Variants in ABHD13 observed in about 807,000 individuals in gnomAD.
The protein encoded by ABHD13 is abhydrolase domain containing 13, also known as protein ABHD13.
A neutral mutation model predicts 25.2 loss-of-function variants in ABHD13; 7 were observed. The ratio of observed to expected loss-of-function variants is 0.28; its 90% CI spans 0.16 to 0.52. ABHD13 has a LOEUF of 0.52. Among genes scored for constraint, ABHD13 ranks in the 20% least tolerant of loss-of-function variants. The pLI is 0.96. For synonymous variants in ABHD13, 133 were observed against 136.1 expected (o/e 0.98, Z 0.16); for missense variants, 302 against 402.7 (o/e 0.75, Z 2.14).
chr13:108,218,909 G>A (rs551197564), intron 1 of ABHD13, among the ~76,000 whole-genome samples: 8 of 152,228 alleles, frequency 5.3e-5, no homozygotes, highest in African/African-American at 1.7e-4. Flanking sequence ...CTCACCAGGG[G>A]AAGCAAACTG....
chr13:108,229,381 G>T lies in ABHD13; in HGVS notation c.163G>T (p.Gly55Cys). The T allele has an allele frequency of 6.2e-7, 1 of 1,612,642 alleles. No homozygotes were observed. The highest frequency in any genetic ancestry group is 8.5e-7 in the Non-Finnish European group (1 of 1,179,148). ...TTTGTTAATATTCATATCAATAGCA[G>T]GTATTCTGTATAAATTCCAGGATGT... ...LLLLIFISIAGILYKFQDVLL... is the reference protein window; with the variant it reads ...LLLLIFISIACILYKFQDVLL... The change falls in exon 2 of 2, where the codon GGT becomes TGT. Residue 55 changes from glycine (G) to cysteine (C), a missense_variant. By Grantham distance (159) the Gly-to-Cys change is radical (BLOSUM62 -3). Coordinates refer to ENST00000375898, the MANE Select transcript of ABHD13 (RefSeq NM_032859.3). This position sits in a 1 kb window ranked among gnomAD's most constrained non-coding sequence, Gnocchi z 4.7.
At chr13:108,227,206 C>T (rs753400171) in intron 1 of ABHD13, among the ~76,000 whole-genome samples, 2 of 151,990 alleles carry the variant, frequency 1.3e-5, no homozygotes, top group Non-Finnish European at 2.9e-5. Context: ...GTAATAGACC[C>T]AAACAAATAC....
chr13:108,223,321 T>G (rs755291385), intron 1 of ABHD13, among the ~76,000 whole-genome samples: 11 of 152,224 alleles, frequency 7.2e-5, no homozygotes, highest in Non-Finnish European at 1.6e-4. Context: ...AACCATAGTT[T>G]GTCAGTTGTC....
rs759838262 is a variant in ABHD13 at position 108,222,011 on chromosome 13, G to T, written c.-21+3352G>T. On this transcript the variant is annotated intron_variant, in intron 1 of 1. Coordinates refer to ENST00000375898, the MANE Select transcript of ABHD13 (RefSeq NM_032859.3). ...CGCCACCATGCCCGGCTAATTTTTT[G>T]TAATTTTTAGTAGAGACGGTGTTTT... is the stretch of plus-strand genomic sequence containing the variant. 1.8e-4 allele frequency among the ~76,000 whole-genome samples: 28 copies of T among 151,934 alleles called. No homozygotes were observed. The South Asian group carries it at 5.0e-3, about 27-fold the overall frequency.
chr13:108,229,533 A>G lies in ABHD13; in HGVS notation c.315A>G (p.Arg105=), dbSNP rs1370420046. Reference sequence around the variant, plus strand: ...TACGTCTGAATCTTATTTTGATACGATACACTGGAGACAATTCACCCTATT... The same window carrying G: ...TACGTCTGAATCTTATTTTGATACGGTACACTGGAGACAATTCACCCTATT... ...DGIRLNLILI[R]YTGDNSPYSP... The change falls in exon 2 of 2, where the codon CGA becomes CGG. Residue 105 remains arginine, a synonymous_variant. Coordinates refer to ENST00000375898, the MANE Select transcript of ABHD13 (RefSeq NM_032859.3). The surrounding 1 kb of genome is among the most constrained non-coding windows in gnomAD (Gnocchi z 4.7). The G allele has an allele frequency of 1.2e-6, 2 of 1,613,344 alleles. No individual in the cohort carries two copies. The highest frequency in any genetic ancestry group is 1.7e-6 in the Non-Finnish European group (2 of 1,179,598).
chr13:108,229,057 A>C lies in ABHD13; in HGVS notation c.-20-142A>C. 1.9e-6 allele frequency: 1 copy of C among 523,152 alleles called. No homozygotes were observed. Among genetic ancestry groups the C allele is most frequent in the Non-Finnish European group, 3.2e-6 (1 of 313,726 alleles). The allele number at this position is 523,152 out of a possible 1,614,324, so 32.4% of individuals were successfully genotyped here. ...GAACAGAAAGGACAAGGGAAATTAT[A>C]GCAGCTACTTTTGTGGATGGACTGT... On this transcript the variant is annotated intron_variant, in intron 1 of 1. Transcript: ENST00000375898. This position sits in a 1 kb window ranked among gnomAD's most constrained non-coding sequence, Gnocchi z 4.7.
intron 1 of ABHD13, among the ~76,000 whole-genome samples, chr13:108,224,725 C>T (rs1484410749): frequency 6.6e-6 from 1 of 151,964 alleles, no homozygotes; most frequent in African/African-American, 2.4e-5. Context: ...TATTGTATAC[C>T]CGTCATGGAC....
At chr13:108,228,682 T>A (rs1450995282) in intron 1 of ABHD13, among the ~76,000 whole-genome samples, 1 of 151,784 alleles carries the variant, frequency 6.6e-6, no homozygotes, top group Non-Finnish European at 1.5e-5. Context: ...TGACAAAGTA[T>A]ATTAGATTGG....
chr13:108,222,260 G>A (rs918944014), intron 1 of ABHD13, among the ~76,000 whole-genome samples: 2 of 151,980 alleles, frequency 1.3e-5, no homozygotes, highest in Non-Finnish European at 2.9e-5. Flanking sequence ...CAATAGATTT[G>A]TCTAATTTAT....
At chr13:108,225,852 C>T (rs1879661338) in intron 1 of ABHD13, among the ~76,000 whole-genome samples, 1 of 152,150 alleles carries the variant, frequency 6.6e-6, no homozygotes, top group Non-Finnish European at 1.5e-5. Context: ...TGGAACAGGT[C>T]TAATTGGCTC....
chr13:108,223,047 C>G, intron 1 of ABHD13, among the ~76,000 whole-genome samples: 1 of 152,240 alleles, frequency 6.6e-6, no homozygotes, highest in South Asian at 2.1e-4. Context: ...AAACCTACAT[C>G]AGAGAAATTG....
At chr13:108,219,662 G>A (rs1242905860) in intron 1 of ABHD13, among the ~76,000 whole-genome samples, 4 of 152,166 alleles carry the variant, frequency 2.6e-5, no homozygotes, top group Non-Finnish European at 5.9e-5. Flanking sequence ...GCACTGCTGC[G>A]TACAGAAAAT....
Position 108,229,541 on chromosome 13 carries a change from G to A in ABHD13, c.323G>A (p.Gly108Glu), listed in dbSNP as rs367925617. Residue 108 changes from glycine to glutamate, a missense_variant, in exon 2 of 2, where the codon GGA (glycine) becomes GAA (glutamate). Transcript: ENST00000375898. The surrounding 1 kb of genome is among the most constrained non-coding windows in gnomAD (Gnocchi z 4.7). ...AATCTTATTTTGATACGATACACTG[G>A]AGACAATTCACCCTATTCCCCAACT... Reference protein sequence around the residue: ...RLNLILIRYTGDNSPYSPTII... With the variant: ...RLNLILIRYTEDNSPYSPTII... 125 of 1,613,208 alleles carry A rather than the reference G, an allele frequency of 7.7e-5. No individual in the cohort carries two copies. Among genetic ancestry groups the A allele is most frequent in the Non-Finnish European group, 1.0e-4 (123 of 1,179,558 alleles).
At chr13:108,226,653 G>A (rs564546499) in intron 1 of ABHD13, among the ~76,000 whole-genome samples, 4 of 152,204 alleles carry the variant, frequency 2.6e-5, no homozygotes, top group African/African-American at 7.2e-5. Context: ...CCATGCAGTC[G>A]ACTTTATTAG....
At chr13:108,227,179 CTTA>C (rs1879692315) in intron 1 of ABHD13, among the ~76,000 whole-genome samples, 1 of 152,036 alleles carries the variant, frequency 6.6e-6, no homozygotes, top group Non-Finnish European at 1.5e-5. Context: ...AAGTTTATCC[CTTA>C]TTATTCCTAG....
chr13:108,222,264 AATTT>A (rs1382811010), intron 1 of ABHD13, among the ~76,000 whole-genome samples: 1 of 152,170 alleles, frequency 6.6e-6, no homozygotes, highest in East Asian at 1.9e-4. Context: ...AGATTTGTCT[AATTT>A]ATTCTCCTAC....
Position 108,230,696 on chromosome 13 carries a change from C to T in ABHD13, c.*464C>T, listed in dbSNP as rs1331174176. ...TGAAATGCATGATGGTATTTTATTC[C>T]TTGAATTATGCAATGCAACATTTTA... On this transcript the variant is annotated 3_prime_UTR_variant, in exon 2 of 2. Coordinates refer to ENST00000375898, the MANE Select transcript of ABHD13 (RefSeq NM_032859.3). 5.9e-6 allele frequency: 1 copy of T among 169,682 alleles called. No individual in the cohort carries two copies. The highest frequency in any genetic ancestry group is 2.4e-5 in the African/African-American group (1 of 41,380). The allele number at this position is 169,682 out of a possible 1,614,324, so 10.5% of individuals were successfully genotyped here.
Position 108,230,315 on chromosome 13 carries a change from G to A in ABHD13, c.*83G>A. ...TTCCTTTTAGAAGTGTGTTATGTCT[G>A]TACCTGTCTGAAGAGTGACATTAAA... On this transcript the variant is annotated 3_prime_UTR_variant, in exon 2 of 2. Transcript: ENST00000375898. 1.7e-6 allele frequency: 2 copies of A among 1,190,690 alleles called. No individual in the cohort carries two copies. Among genetic ancestry groups the A allele is most frequent in the Non-Finnish European group, 2.3e-6 (2 of 865,876 alleles). 73.8% of individuals were successfully genotyped at this position (1,190,690 alleles called of 1,614,324 possible).
Position 108,231,050 on chromosome 13 carries a change from T to C in ABHD13, c.*818T>C, listed in dbSNP as rs998794797. The C allele has an allele frequency of 4.2e-5, 7 of 166,786 alleles. No homozygotes were observed. Among genetic ancestry groups the C allele is most frequent in the African/African-American group, 1.4e-4 (6 of 41,436 alleles). 10.3% of individuals were successfully genotyped at this position (166,786 alleles called of 1,614,324 possible). A position where few individuals can be genotyped will look rare whatever the true frequency, so the allele number is the denominator to read the frequency against. Reference sequence around the variant, plus strand: ...CTTTGGTGGCAAAGAGAATTTTAGCTTCTATCGATTTTGTAAGTCTTCAGC... The same window carrying C: ...CTTTGGTGGCAAAGAGAATTTTAGCCTCTATCGATTTTGTAAGTCTTCAGC... On this transcript the variant is annotated 3_prime_UTR_variant, in exon 2 of 2. Transcript: ENST00000375898.
Sources: gnomAD v4.1 joint callset for allele counts (sites outside exome capture counted in the v4.1 genomes callset) on GRCh38, gnomAD v4.1.1 for gene constraint, Gnocchi (gnomAD v3.1) non-coding constraint, MANE v1.5 for transcripts, NCBI Gene and HGNC (gene_info 2026-07-23, HGNC 2026-07-21) for gene names.